MMP26: variants seen among roughly 807,000 people sequenced by gnomAD.
MMP26 encodes the protein matrix metallopeptidase 26.
In MMP26, 33 loss-of-function variants were observed where a neutral mutation model predicts 31.0. The ratio of observed to expected loss-of-function variants is 1.06; its 90% CI spans 0.81 to 1.42. MMP26 has a LOEUF of 1.42. Among genes scored for constraint, MMP26 ranks in the 40% most tolerant of loss-of-function variants. The probability of loss-of-function intolerance (pLI) is 0.00; values close to 1 mark genes in which losing one functional copy is unlikely to be tolerated. For missense variants in MMP26, 347 were observed against 316.1 expected (o/e 1.10, Z -0.74); for synonymous variants, 122 against 114.9 (o/e 1.06, Z -0.40).
intron 2 of MMP26, among the ~76,000 whole-genome samples, chr11:4,965,741 G>T (rs747177966): frequency 6.6e-6 from 1 of 152,100 alleles, no homozygotes; most frequent in Non-Finnish European, 1.5e-5. Flanking sequence ...AGTTTTATTG[G>T]TTAACAGGAA....
At chr11:4,710,543 A>T (rs1427185306) in intron 1 of MMP26, 1 of 394,554 alleles carries the variant, frequency 2.5e-6, no homozygotes, top group Non-Finnish European at 5.2e-6. Flanking sequence ...TTCTTTACCA[A>T]GTCTTCCCTG....
chr11:4,831,507 T>C (rs1352753356), intron 2 of MMP26, among the ~76,000 whole-genome samples: 1 of 152,232 alleles, frequency 6.6e-6, no homozygotes, highest in Non-Finnish European at 1.5e-5. Flanking sequence ...ACATCTGCTT[T>C]TTATTCTCTT....
At chr11:4,708,189 A>G (rs894282550) in intron 1 of MMP26, among the ~76,000 whole-genome samples, 2 of 152,144 alleles carry the variant, frequency 1.3e-5, no homozygotes, top group Non-Finnish European at 2.9e-5. Context: ...TTATCTTCCA[A>G]CTGAGATCCA....
At chr11:4,968,515 C>T (rs1305977424) in intron 2 of MMP26, among the ~76,000 whole-genome samples, 2 of 103,418 alleles carry the variant, frequency 1.9e-5, no homozygotes, top group African/African-American at 9.0e-5. Flanking sequence ...AGTGTGAAGA[C>T]TTGATTCTCT....
At chr11:4,982,240 T>C (rs969260068) in intron 2 of MMP26, among the ~76,000 whole-genome samples, 1 of 152,144 alleles carries the variant, frequency 6.6e-6, no homozygotes, top group Non-Finnish European at 1.5e-5. Flanking sequence ...CTGTATATAA[T>C]TGTATGTGCT....
intron 1 of MMP26, among the ~76,000 whole-genome samples, chr11:4,708,004 T>C (rs1202478934): frequency 6.6e-6 from 1 of 152,194 alleles, no homozygotes; most frequent in Non-Finnish European, 1.5e-5. Context: ...AGACTTCATT[T>C]CCCTTAGATT....
chr11:4,907,876 T>G, intron 2 of MMP26: 1 of 1,614,000 alleles, frequency 6.2e-7, no homozygotes, highest in Non-Finnish European at 8.5e-7. Flanking sequence ...TAAAATATTG[T>G]CAAAAGAATC....
At chr11:4,834,729 T>C (rs1564790696) in intron 2 of MMP26, among the ~76,000 whole-genome samples, 1 of 152,206 alleles carries the variant, frequency 6.6e-6, no homozygotes, top group Admixed American at 6.5e-5. Flanking sequence ...AGAAAATTAC[T>C]TCCTATGTAT....
At chr11:4,928,201 A>G (rs1184651366) in intron 2 of MMP26, among the ~76,000 whole-genome samples, 1 of 152,126 alleles carries the variant, frequency 6.6e-6, no homozygotes, top group Non-Finnish European at 1.5e-5. Flanking sequence ...CACAGATCCT[A>G]GTACACTATC....
chr11:4,952,730 G>GA (rs1227458923), intron 2 of MMP26, among the ~76,000 whole-genome samples: 1 of 124,334 alleles, frequency 8.0e-6, no homozygotes, highest in African/African-American at 2.7e-5. Flanking sequence ...AAATAAATAA[G>GA]AAAAAACCCT....
chr11:4,968,040 G>T (rs887700374), intron 2 of MMP26, among the ~76,000 whole-genome samples: 2 of 151,922 alleles, frequency 1.3e-5, no homozygotes, highest in Non-Finnish European at 2.9e-5. Context: ...ATTTTGTTTT[G>T]CTTGGTTTTA....
At chr11:4,873,739 T>C (rs1850341069) in intron 2 of MMP26, among the ~76,000 whole-genome samples, 1 of 152,066 alleles carries the variant, frequency 6.6e-6, no homozygotes, top group Non-Finnish European at 1.5e-5. Flanking sequence ...TGCCTGGTGC[T>C]TATCTAAGTG....
intron 2 of MMP26, among the ~76,000 whole-genome samples, chr11:4,858,749 G>T (rs1312893700): frequency 2.0e-5 from 3 of 152,202 alleles, no homozygotes; most frequent in African/African-American, 7.2e-5. Context: ...AACCAAAAAA[G>T]AGCCCGCATT....
Position 4,803,735 on chromosome 11 carries a change from C to A in MMP26, c.-145+36394C>A, listed in dbSNP as rs367759962. On this transcript the variant is annotated intron_variant, in intron 2 of 7. Transcript: ENST00000380390. ...ATCATCACGTATGACATACCAATGA[C>A]AATCATATCAAAGCCAGCCACAGAG... is the stretch of plus-strand genomic sequence containing the variant. 10 of 1,613,644 alleles carry A rather than the reference C, an allele frequency of 6.2e-6. No homozygotes were observed. The African/African-American group carries it at 1.2e-4, about 19-fold the overall frequency.
chr11:4,963,119 G>T (rs1016246523), intron 2 of MMP26, among the ~76,000 whole-genome samples: 5 of 152,140 alleles, frequency 3.3e-5, no homozygotes, highest in African/African-American at 1.2e-4. Flanking sequence ...AATCATGAGT[G>T]AACTCCCATT....
At chr11:4,911,405 T>G (rs926381285) in intron 2 of MMP26, among the ~76,000 whole-genome samples, 26 of 152,154 alleles carry the variant, frequency 1.7e-4, no homozygotes, top group African/African-American at 6.0e-4. Flanking sequence ...GTGGGAAATG[T>G]GTCTTGTTCA....
intron 2 of MMP26, among the ~76,000 whole-genome samples, chr11:4,895,671 C>T (rs544891434): frequency 1.3e-5 from 2 of 152,326 alleles, no homozygotes; most frequent in East Asian, 1.9e-4. Context: ...TGCCTGTAAT[C>T]CCAGCCCTTT....
intron 2 of MMP26, among the ~76,000 whole-genome samples, chr11:4,905,072 G>A (rs1206433537): frequency 2.6e-5 from 4 of 152,032 alleles, no homozygotes; most frequent in East Asian, 1.9e-4. Flanking sequence ...AGCAAAAGAC[G>A]AAAATAAAAA....
intron 2 of MMP26, among the ~76,000 whole-genome samples, chr11:4,846,465 G>A (rs983778885): frequency 6.6e-6 from 1 of 152,054 alleles, no homozygotes; most frequent in African/African-American, 2.4e-5. Context: ...ATAATAGAAA[G>A]AATGAATAAG....
Sources: allele counts gnomAD v4.1 joint callset (sites outside exome capture counted in the v4.1 genomes callset), GRCh38; gene constraint gnomAD v4.1.1; transcripts MANE v1.5; gene names NCBI Gene and HGNC (gene_info 2026-07-23, HGNC 2026-07-21).